The following MECOM variants were observed in gnomAD, a reference collection of about 807,000 sequenced individuals.
The protein encoded by MECOM is histone-lysine N-methyltransferase MECOM.
In MECOM, 13 loss-of-function variants were observed where a neutral mutation model predicts 116.3. That is an observed-to-expected ratio of 0.11 (90% CI 0.07 to 0.18). The LOEUF (loss-of-function observed/expected upper bound fraction) is 0.18, where lower values mean the gene tolerates loss of function less well. Among genes scored for constraint, MECOM ranks in the 10% least tolerant of loss-of-function variants. The pLI, the probability that MECOM is intolerant of heterozygous loss-of-function variation, is 1.00. For missense variants in MECOM, 1,299 were observed against 1,509.0 expected (o/e 0.86, Z 2.31); for synonymous variants, 528 against 535.2 (o/e 0.99, Z 0.19).
intron 2 of MECOM, among the ~76,000 whole-genome samples, chr3:169,272,578 C>T (rs1052861390): frequency 1.3e-5 from 2 of 151,990 alleles, no homozygotes; most frequent in Admixed American, 6.6e-5. Flanking sequence ...ATCTTTAAAA[C>T]GTTTTCTGAC....
chr3:169,603,122 G>A (rs912107710), intron 1 of MECOM, among the ~76,000 whole-genome samples: 1 of 152,040 alleles, frequency 6.6e-6, no homozygotes, highest in Non-Finnish European at 1.5e-5. Context: ...TCAACAATGG[G>A]CCACATATAA....
intron 1 of MECOM, among the ~76,000 whole-genome samples, chr3:169,438,165 C>T (rs981339215): frequency 6.6e-6 from 1 of 152,206 alleles, no homozygotes; most frequent in Non-Finnish European, 1.5e-5. Flanking sequence ...AGCCCACGCG[C>T]TTTATCCCTA....
intron 2 of MECOM, among the ~76,000 whole-genome samples, chr3:169,295,261 C>T (rs1715378378): frequency 6.6e-6 from 1 of 152,088 alleles, no homozygotes; most frequent in Non-Finnish European, 1.5e-5. Context: ...TTTCCTATTG[C>T]TTTTATTTAA....
At chr3:169,169,203 G>A (rs1744049833) in intron 2 of MECOM, among the ~76,000 whole-genome samples, 1 of 152,018 alleles carries the variant, frequency 6.6e-6, no homozygotes, top group South Asian at 2.1e-4. Flanking sequence ...ATTTAGTGTA[G>A]GGAAAATAAT....
At chr3:169,516,590 A>G (rs561697066) in intron 1 of MECOM, among the ~76,000 whole-genome samples, 2 of 152,270 alleles carry the variant, frequency 1.3e-5, no homozygotes, top group African/African-American at 4.8e-5. Flanking sequence ...TCGGAGACTC[A>G]GGGCTGTCAA....
At chr3:169,442,092 A>C (rs1170631861) in intron 1 of MECOM, among the ~76,000 whole-genome samples, 3 of 152,008 alleles carry the variant, frequency 2.0e-5, no homozygotes, top group African/African-American at 7.2e-5. Context: ...CACCCAGCTA[A>C]TTTTTGTATT....
At chr3:169,121,263 A>C (rs368883902) in intron 6 of MECOM, 54 bp from the exon 7 acceptor site, 1 of 1,515,284 alleles carries the variant, frequency 6.6e-7, no homozygotes, top group Non-Finnish European at 8.9e-7. Flanking sequence ...GGGCACAATA[A>C]AGAAGACCCG....
At chr3:169,272,540 GC>G (rs1759079186) in intron 2 of MECOM, among the ~76,000 whole-genome samples, 1 of 152,128 alleles carries the variant, frequency 6.6e-6, no homozygotes, top group Non-Finnish European at 1.5e-5. Context: ...AAACATAATA[GC>G]AAATGAGGAC....
intron 2 of MECOM, among the ~76,000 whole-genome samples, chr3:169,314,528 T>C (rs913155702): frequency 6.6e-6 from 1 of 152,226 alleles, no homozygotes; most frequent in Non-Finnish European, 1.5e-5. Context: ...ACACTGATTT[T>C]CATTGTCTTA....
chr3:169,605,724 G>GTAT (rs1768450446), intron 1 of MECOM, among the ~76,000 whole-genome samples: 1 of 152,170 alleles, frequency 6.6e-6, no homozygotes, highest in Non-Finnish European at 1.5e-5. Context: ...AATCATCAAT[G>GTAT]TATTGATTGA....
chr3:169,104,458 A>T (rs945348878), intron 10 of MECOM, among the ~76,000 whole-genome samples: 3 of 152,186 alleles, frequency 2.0e-5, no homozygotes, highest in Admixed American at 6.5e-5. Flanking sequence ...CTGGCCTTTA[A>T]ACTGATTAGT....
chr3:169,472,265 A>G (rs1329678455), intron 1 of MECOM, among the ~76,000 whole-genome samples: 1 of 150,612 alleles, frequency 6.6e-6, no homozygotes, highest in East Asian at 1.9e-4. Flanking sequence ...TGGTGCCTAT[A>G]ATATTGTGTA....
chr3:169,146,313 C>A (rs1331943667), intron 2 of MECOM: 2 of 1,271,392 alleles, frequency 1.6e-6, no homozygotes, highest in Non-Finnish European at 2.0e-6. Context: ...AGGTGGAACT[C>A]GGCCGAGAGC....
intron 1 of MECOM, among the ~76,000 whole-genome samples, chr3:169,545,854 C>T (rs1760667684): frequency 1.3e-5 from 2 of 152,178 alleles, no homozygotes; most frequent in Non-Finnish European, 2.9e-5. Context: ...TCCTCCCCTG[C>T]TCTACAAAGC....
In MECOM at chr3:169,495,092, C is replaced by T. The variant is rs1032205653; in HGVS notation, c.38-113568G>A. On this transcript the variant is annotated intron_variant, in intron 1 of 16. Transcript: ENST00000651503. ...GACAGTTATTAAGTCACCTCTAAAC[C>T]TTCTCAATACCGGTAATCCTGATTC... Among the ~76,000 whole-genome samples, 8 of 152,242 alleles carry T rather than the reference C, an allele frequency of 5.3e-5. No homozygotes were observed. In the East Asian group the frequency reaches 1.5e-3, roughly 29 times the overall value.
intron 1 of MECOM, among the ~76,000 whole-genome samples, chr3:169,458,914 T>A (rs574909472): frequency 1.7e-4 from 26 of 152,186 alleles, no homozygotes; most frequent in Non-Finnish European, 3.1e-4. Context: ...AAGTTTAATA[T>A]GATGAATCAT....
chr3:169,088,305 A>G (rs935538195), intron 16 of MECOM, among the ~76,000 whole-genome samples: 1 of 152,208 alleles, frequency 6.6e-6, no homozygotes, highest in African/African-American at 2.4e-5. Flanking sequence ...TTTTGTAACA[A>G]AAACACTGAG....
intron 2 of MECOM, among the ~76,000 whole-genome samples, chr3:169,153,125 T>C (rs1450592320): frequency 6.6e-6 from 1 of 152,176 alleles, no homozygotes; most frequent in Non-Finnish European, 1.5e-5. Context: ...TTATACCAAG[T>C]TTAAATGAAA....
chr3:169,110,143 A>G (rs1193615777), intron 9 of MECOM, among the ~76,000 whole-genome samples: 3 of 152,200 alleles, frequency 2.0e-5, no homozygotes, highest in African/African-American at 7.2e-5. Context: ...AAATCATAAC[A>G]AGCACTAAGA....
Sources: gnomAD v4.1 joint callset for allele counts (sites outside exome capture counted in the v4.1 genomes callset) on GRCh38, gnomAD v4.1.1 for gene constraint, MANE v1.5 for transcripts, NCBI Gene and HGNC (gene_info 2026-07-23, HGNC 2026-07-21) for gene names.